Variants in TYR observed in about 807,000 individuals in gnomAD.
TYR encodes the protein LB24-AB.
Under a neutral mutation model 51.5 loss-of-function variants are expected in TYR, and 58 were observed. That is an observed-to-expected ratio of 1.13 (90% CI 0.91 to 1.40). The LOEUF is 1.40. Among genes scored for constraint, TYR ranks in the 40% most tolerant of loss-of-function variants. TYR has a pLI of 0.00. For missense variants in TYR, 732 were observed against 647.4 expected (o/e 1.13, Z -1.42); for synonymous variants, 263 against 235.2 (o/e 1.12, Z -1.08).
chr11:89,270,342 A>C (rs1944573764), intron 3 of TYR, among the ~76,000 whole-genome samples: 1 of 151,586 alleles, frequency 6.6e-6, no homozygotes, highest in Non-Finnish European at 1.5e-5. Context: ...GACCGACACC[A>C]CTCAACCCTC....
chr11:89,280,962 C>T (rs538871029), intron 3 of TYR, among the ~76,000 whole-genome samples: 1 of 151,838 alleles, frequency 6.6e-6, no homozygotes, highest in South Asian at 2.1e-4. Context: ...AGAGATAGTT[C>T]ATGTATTTCA....
At position 89,294,875 on chromosome 11, in the gene TYR, T is replaced by G. The variant is rs10830253; in HGVS notation, c.1367-268T>G. ...AGCTAACATTTAATTGAGTACACAC[T>G]ATATACCAGGCCCTGAATCACTTAC... On this transcript the variant is annotated intron_variant, in intron 4 of 4. Coordinates refer to ENST00000263321, the MANE Select transcript of TYR (RefSeq NM_000372.5). Among the ~76,000 whole-genome samples, 43,326 of 152,088 alleles carry G rather than the reference T, an allele frequency of 0.28. 6,369 individuals are homozygous for G. Among genetic ancestry groups the G allele is most frequent in the Non-Finnish European group, 0.31 (21,181 of 67,968 alleles).
chr11:89,222,906 TGGCTCAG>T (rs1231791508), intron 2 of TYR, among the ~76,000 whole-genome samples: 32 of 152,320 alleles, frequency 2.1e-4, no homozygotes, highest in African/African-American at 7.7e-4. Flanking sequence ...ATGTCTCTAC[TGGCTCAG>T]TAAAATTTCT....
chr11:89,287,292 A>C (rs998822017), intron 4 of TYR, among the ~76,000 whole-genome samples: 2 of 151,866 alleles, frequency 1.3e-5, no homozygotes, highest in Admixed American at 1.3e-4. Flanking sequence ...ATATAAGTGA[A>C]GTTTTCTAGA....
chr11:89,216,339 T>C (rs1011602768), intron 2 of TYR, among the ~76,000 whole-genome samples: 2 of 152,144 alleles, frequency 1.3e-5, no homozygotes, highest in African/African-American at 2.4e-5. Context: ...ATTCATTTCA[T>C]GGAATATTGT....
At position 89,223,774 on chromosome 11, in the gene TYR, T is replaced by C. The variant is rs1024863404; in HGVS notation, c.1037-4049T>C. ...ACATTATTTAAAATTGTTACTATAA[T>C]AAAACTGTTTACAACTGTTTATATT... On this transcript the variant is annotated intron_variant, in intron 2 of 4. Transcript: ENST00000263321. Among the ~76,000 whole-genome samples, 3 of 152,282 alleles carry C rather than the reference T, an allele frequency of 2.0e-5. No homozygotes were observed. In the Middle Eastern group the frequency reaches 0.01, roughly 518 times the overall value.
intron 3 of TYR, among the ~76,000 whole-genome samples, chr11:89,280,754 A>G (rs1214744946): frequency 1.3e-5 from 2 of 151,346 alleles, no homozygotes; most frequent in Non-Finnish European, 3.0e-5. Context: ...ATTAAAAGCC[A>G]TATGTTTTAT....
chr11:89,210,363 G>GATATCAGTC (rs1228460116), intron 2 of TYR, among the ~76,000 whole-genome samples: 1 of 43,214 alleles, frequency 2.3e-5, no homozygotes, highest in African/African-American at 6.2e-4. Context: ...AGGAAGAAAG[G>GATATCAGTC]ATTGAAGATC....
chr11:89,208,750 T>C (rs1943708432), intron 2 of TYR, among the ~76,000 whole-genome samples: 1 of 152,218 alleles, frequency 6.6e-6, no homozygotes, highest in Non-Finnish European at 1.5e-5. Context: ...CTAAAACATA[T>C]CTAATGATCT....
intron 3 of TYR, among the ~76,000 whole-genome samples, chr11:89,272,817 G>A (rs892241330): frequency 3.3e-5 from 5 of 151,824 alleles, no homozygotes; most frequent in Non-Finnish European, 7.4e-5. Context: ...TGCTTCACCT[G>A]GCACTTTTAT....
intron 3 of TYR, among the ~76,000 whole-genome samples, chr11:89,238,850 A>G (rs559191956): frequency 3.2e-4 from 49 of 152,280 alleles, no homozygotes; most frequent in African/African-American, 1.1e-3. Flanking sequence ...TATTAAAATG[A>G]TCATATGATC....
At chr11:89,212,934 G>A (rs185748272) in intron 2 of TYR, among the ~76,000 whole-genome samples, 24 of 152,172 alleles carry the variant, frequency 1.6e-4, no homozygotes, top group African/African-American at 5.1e-4. Flanking sequence ...TTGATGGAAC[G>A]TATCTCAAAA....
chr11:89,200,884 TCA>T (rs1943588900), intron 2 of TYR, among the ~76,000 whole-genome samples: 1 of 152,184 alleles, frequency 6.6e-6, no homozygotes. Context: ...GGTAATTTCC[TCA>T]GAGTTTAATT....
chr11:89,208,302 G>T (rs74622532), intron 2 of TYR, among the ~76,000 whole-genome samples: 3,838 of 152,134 alleles, frequency 0.025, 175 homozygotes, highest in African/African-American at 0.088. Flanking sequence ...AAAAGACAAA[G>T]TTCTTTAAGG....
intron 3 of TYR, among the ~76,000 whole-genome samples, chr11:89,277,914 C>T (rs926588141): frequency 2.0e-5 from 3 of 151,572 alleles, no homozygotes; most frequent in Non-Finnish European, 4.4e-5. Context: ...ATAATCTGTT[C>T]GTGTTATCAT....
At chr11:89,253,687 C>A (rs189225387) in intron 3 of TYR, among the ~76,000 whole-genome samples, 3 of 141,560 alleles carry the variant, frequency 2.1e-5, no homozygotes, top group East Asian at 4.0e-4. Context: ...TATAACGAAA[C>A]TTTGCTGAAT....
chr11:89,276,405 T>C (rs112559966), intron 3 of TYR, among the ~76,000 whole-genome samples: 1 of 151,796 alleles, frequency 6.6e-6, no homozygotes, highest in Non-Finnish European at 1.5e-5. Context: ...GAAACCTAGA[T>C]AGGGAACACT....
At chr11:89,201,250 T>C (rs542516078) in intron 2 of TYR, among the ~76,000 whole-genome samples, 26 of 152,186 alleles carry the variant, frequency 1.7e-4, no homozygotes, top group Non-Finnish European at 3.1e-4. Flanking sequence ...ATTAGCTTTT[T>C]TTTTCTGTTT....
chr11:89,177,921 G>T lies in TYR; in HGVS notation c.-33G>T, dbSNP rs374849426. ...AGAAATCTGTGACTCCAATTAGCCA[G>T]TTCCTGCAGACCTTGTGAGGACTAG... is the stretch of plus-strand genomic sequence containing the variant. On this transcript the variant is annotated 5_prime_UTR_variant, in exon 1 of 5. Transcript: ENST00000263321. The T allele has an allele frequency of 1.8e-5, 29 of 1,607,136 alleles. No individual in the cohort carries two copies. In the South Asian group the frequency reaches 2.0e-4, roughly 11 times the overall value.
Sources: gnomAD v4.1 joint callset for allele counts (sites outside exome capture counted in the v4.1 genomes callset) on GRCh38, gnomAD v4.1.1 for gene constraint, MANE v1.5 for transcripts, NCBI Gene and HGNC (gene_info 2026-07-23, HGNC 2026-07-21) for gene names.